The following ARHGEF37 variants were observed in gnomAD, a reference collection of about 807,000 sequenced individuals.
ARHGEF37 encodes Rho guanine nucleotide exchange factor (GEF) 37.
In ARHGEF37, 55 loss-of-function variants were observed where a neutral mutation model predicts 71.1. That is an observed-to-expected ratio of 0.77 (90% confidence interval 0.62 to 0.97). The LOEUF is 0.97. Ranked by LOEUF, ARHGEF37 falls within the 50% of genes least tolerant of loss-of-function variation. ARHGEF37 has a pLI of 0.00. For synonymous variants in ARHGEF37, 327 were observed against 350.6 expected (o/e 0.93, Z 0.75); for missense variants, 765 against 836.8 (o/e 0.91, Z 1.06).
At position 149,626,410 on chromosome 5, in the gene ARHGEF37, G is replaced by A. The variant is rs142116296; in HGVS notation, c.1465-666G>A. 4.3e-3 allele frequency among the ~76,000 whole-genome samples: 648 copies of A among 152,286 alleles called. 3 individuals carry two copies. The highest frequency in any genetic ancestry group is 0.01 in the Admixed American group (156 of 15,290). On this transcript the variant is annotated intron_variant, in intron 10 of 12. Transcript: ENST00000333677. ...GATACTCTTCTGGAAGCAGTATCAT[G>A]CAATGGAAAAACAGGAAATGCCAGG...
chr5:149,569,034 A>C (rs1762931930), intron 1 of ARHGEF37, among the ~76,000 whole-genome samples: 1 of 152,062 alleles, frequency 6.6e-6, no homozygotes, highest in Non-Finnish European at 1.5e-5. Context: ...TGCTCAGCCT[A>C]ATATATGTGA....
intron 1 of ARHGEF37, among the ~76,000 whole-genome samples, chr5:149,589,343 T>A (rs995569338): frequency 1.5e-5 from 2 of 133,858 alleles, no homozygotes; most frequent in African/African-American, 5.3e-5. Context: ...TTAATTAATT[T>A]ATAAGACAGG....
At chr5:149,626,856 G>A (rs1752699534) in intron 10 of ARHGEF37, 2 of 408,090 alleles carry the variant, frequency 4.9e-6, no homozygotes, top group Non-Finnish European at 8.6e-6. Flanking sequence ...GAATTTTAGA[G>A]AATCCCAGAA....
intron 11 of ARHGEF37, among the ~76,000 whole-genome samples, chr5:149,628,407 C>A (rs1752764543): frequency 6.6e-6 from 1 of 152,194 alleles, no homozygotes; most frequent in Non-Finnish European, 1.5e-5. Context: ...ACTGGGCTCA[C>A]ATGGAGAGGA....
chr5:149,594,566 T>C (rs140374859), intron 1 of ARHGEF37, among the ~76,000 whole-genome samples: 1 of 152,178 alleles, frequency 6.6e-6, no homozygotes, highest in Non-Finnish European at 1.5e-5. Flanking sequence ...CAAATACTAA[T>C]ACATCCATAA....
chr5:149,584,360 A>G (rs1049316603), intron 1 of ARHGEF37, among the ~76,000 whole-genome samples: 8 of 130,922 alleles, frequency 6.1e-5, no homozygotes, highest in African/African-American at 3.0e-4. Flanking sequence ...TTTTTCCTCC[A>G]GGAAAGAGAG....
Position 149,601,164 on chromosome 5 carries a change from G to T in ARHGEF37, c.243G>T (p.Val81=). Residue 81 remains valine (V), a synonymous_variant, in exon 3 of 13, where the codon GTG becomes GTT. Coordinates refer to ENST00000333677, the MANE Select transcript of ARHGEF37 (RefSeq NM_001001669.3). The part of the protein sequence containing the change: ...LFSNIDDIIK[V]NSRFLHDLQE... ...CAAACATTGATGATATCATCAAAGTGAACAGCAGATTCCTCCATGATCTGC... is the reference window on the plus strand; with the variant it reads ...CAAACATTGATGATATCATCAAAGTTAACAGCAGATTCCTCCATGATCTGC... 6.2e-7 allele frequency: 1 copy of T among 1,613,434 alleles called. No homozygotes were observed. The highest frequency in any genetic ancestry group is 1.1e-5 in the South Asian group (1 of 91,008).
At position 149,616,769 on chromosome 5, in the gene ARHGEF37, A is replaced by G; in HGVS notation, c.658+3A>G. The G allele has an allele frequency of 1.3e-6, 2 of 1,593,792 alleles. No individual in the cohort carries two copies. Among genetic ancestry groups the G allele is most frequent in the South Asian group, 2.2e-5 (2 of 89,808 alleles). ...GTACAAGATGCGCAAGGAAGTGGGT[A>G]AGGACTTGGGCATTTAAGGGGACAC... On this transcript the variant is annotated splice_donor_region_variant and intron_variant, in intron 5 of 12. Coordinates refer to ENST00000333677, the MANE Select transcript of ARHGEF37 (RefSeq NM_001001669.3).
chr5:149,628,175 C>T lies in ARHGEF37; in HGVS notation c.1661-634C>T, dbSNP rs138300807. 3.3e-5 allele frequency among the ~76,000 whole-genome samples: 5 copies of T among 152,328 alleles called. No individual in the cohort carries two copies. The East Asian group carries it at 7.7e-4, about 24-fold the overall frequency. On this transcript the variant is annotated intron_variant, in intron 11 of 12. Coordinates refer to ENST00000333677, the MANE Select transcript of ARHGEF37 (RefSeq NM_001001669.3). Reference sequence around the variant, plus strand: ...CTGGATTTGGATTCCAGCTCCACCACTTTGCTGACTGTGTGATCTCAGGGA... The same window carrying T: ...CTGGATTTGGATTCCAGCTCCACCATTTTGCTGACTGTGTGATCTCAGGGA...
intron 1 of ARHGEF37, among the ~76,000 whole-genome samples, chr5:149,595,194 G>T (rs1371323837): frequency 6.6e-6 from 1 of 152,148 alleles, no homozygotes; most frequent in Non-Finnish European, 1.5e-5. Flanking sequence ...GTTTGTTGTT[G>T]AGACAGGGTC....
intron 6 of ARHGEF37, 97 bp downstream of exon 6, chr5:149,618,403 T>G (rs1259975767): frequency 6.5e-6 from 10 of 1,535,894 alleles, no homozygotes; most frequent in Non-Finnish European, 8.8e-6. Context: ...CTTTCAGAAC[T>G]GAGGCAATGG....
chr5:149,600,990 A>T, intron 2 of ARHGEF37, 118 bp from the exon 3 acceptor site: 1 of 1,214,338 alleles, frequency 8.2e-7, no homozygotes. Context: ...CCACTGGGGC[A>T]GCCAATCTTC....
chr5:149,597,142 T>C (rs1167097756), intron 1 of ARHGEF37, among the ~76,000 whole-genome samples: 1 of 151,756 alleles, frequency 6.6e-6, no homozygotes, highest in Non-Finnish European at 1.5e-5. Flanking sequence ...TGAAAGAGAT[T>C]CAGCTGTACC....
In ARHGEF37 at chr5:149,620,086, A is replaced by AG. The variant is rs1752492260; in HGVS notation, c.895-268_895-267insG. Among the ~76,000 whole-genome samples, 3 of 152,038 alleles carry AG rather than the reference A, an allele frequency of 2.0e-5. No homozygotes were observed. In the East Asian group the frequency reaches 5.8e-4, roughly 29 times the overall value. ...AGACTCTGTCTCAAAAAAAAAAAAA[A>AG]AGAAAAAGAAAAAAACCCCACAAAG... is the stretch of plus-strand genomic sequence containing the variant. On this transcript the variant is annotated intron_variant, in intron 7 of 12. Coordinates refer to ENST00000333677, the MANE Select transcript of ARHGEF37 (RefSeq NM_001001669.3).
chr5:149,604,169 G>C (rs766649447), intron 3 of ARHGEF37, among the ~76,000 whole-genome samples: 25 of 152,126 alleles, frequency 1.6e-4, no homozygotes, highest in Non-Finnish European at 2.6e-4. Context: ...GTCTGCCTTT[G>C]TGCTGGAGCC....
chr5:149,601,516 C>G (rs1423480724), intron 3 of ARHGEF37, among the ~76,000 whole-genome samples: 1 of 152,194 alleles, frequency 6.6e-6, no homozygotes, highest in Non-Finnish European at 1.5e-5. Flanking sequence ...GTGTCTCTTT[C>G]ACATTCATTC....
At position 149,597,968 on chromosome 5, in the gene ARHGEF37, G is replaced by T; in HGVS notation, c.186+13G>T. The T allele has an allele frequency of 6.4e-7, 1 of 1,566,606 alleles. No individual in the cohort carries two copies. The highest frequency in any genetic ancestry group is 2.4e-5 in the East Asian group (1 of 41,978). ...CCGCCTCCAGCAGGTACTTGGGTGG[G>T]GTCACACACAACCTGTCTTTATAGG... On this transcript the variant is annotated intron_variant, in intron 2 of 12. Coordinates refer to ENST00000333677, the MANE Select transcript of ARHGEF37 (RefSeq NM_001001669.3).
At chr5:149,587,237 A>T (rs983852453) in intron 1 of ARHGEF37, among the ~76,000 whole-genome samples, 4 of 152,118 alleles carry the variant, frequency 2.6e-5, no homozygotes, top group Non-Finnish European at 5.9e-5. Context: ...TAAGGCTCTG[A>T]TATATAGTTC....
chr5:149,608,375 A>AT (rs1230032014), intron 3 of ARHGEF37, among the ~76,000 whole-genome samples: 115 of 146,166 alleles, frequency 7.9e-4, no homozygotes, highest in African/African-American at 1.2e-3. Flanking sequence ...ATGCAAACAA[A>AT]TTTTTTTTTT....
Sources: allele counts gnomAD v4.1 joint callset (sites outside exome capture counted in the v4.1 genomes callset), GRCh38; gene constraint gnomAD v4.1.1; transcripts MANE v1.5; gene names NCBI Gene and HGNC (gene_info 2026-07-23, HGNC 2026-07-21).